LEMD1: variants seen among roughly 807,000 people sequenced by gnomAD.
LEMD1 encodes LEM domain-containing protein 1.
In LEMD1, 18 loss-of-function variants were observed where a neutral mutation model predicts 17.4. The ratio of observed to expected loss-of-function variants is 1.04; its 90% confidence interval spans 0.72 to 1.54. LEMD1 has a LOEUF of 1.54. Among genes scored for constraint, LEMD1 ranks in the 40% most tolerant of loss-of-function variants. LEMD1 has a pLI of 0.00. For synonymous variants in LEMD1, 88 were observed against 77.8 expected (o/e 1.13, Z -0.69); for missense variants, 195 against 210.4 (o/e 0.93, Z 0.45).
At chr1:205,402,667 C>T (rs1377980364) in intron 4 of LEMD1, among the ~76,000 whole-genome samples, 3 of 152,066 alleles carry the variant, frequency 2.0e-5, no homozygotes, top group African/African-American at 7.2e-5. Flanking sequence ...TTGACTTCCT[C>T]TTTTCCTAAT....
At chr1:205,392,231 A>C (rs1664377599) in intron 4 of LEMD1, among the ~76,000 whole-genome samples, 1 of 152,254 alleles carries the variant, frequency 6.6e-6, no homozygotes, top group African/African-American at 2.4e-5. Context: ...AGCTGTCATA[A>C]AATGTTTCAA....
Position 205,449,479 on chromosome 1 carries a change from C to T in LEMD1, c.-39+389G>A, listed in dbSNP as rs569123188. Among the ~76,000 whole-genome samples, 128 of 152,216 alleles carry T rather than the reference C, an allele frequency of 8.4e-4. 2 individuals are homozygous for T. The highest frequency in any genetic ancestry group is 2.9e-4 in the Non-Finnish European group (20 of 67,998). On this transcript the variant is annotated intron_variant, in intron 1 of 3. Coordinates refer to the LEMD1 transcript ENST00000367154. ...GCTGCCTCTCCCACCCCAACTGTAC[C>T]CTCAGCCCCAGGGCAACACTTGCTG...
intron 4 of LEMD1, among the ~76,000 whole-genome samples, chr1:205,401,662 T>C (rs1664860312): frequency 6.6e-6 from 1 of 152,150 alleles, no homozygotes; most frequent in Non-Finnish European, 1.5e-5. Context: ...GTTCACTCTT[T>C]TGCTGTGGTA....
intron 4 of LEMD1, among the ~76,000 whole-genome samples, chr1:205,391,011 A>G (rs1400327579): frequency 1.1e-5 from 1 of 93,428 alleles, no homozygotes; most frequent in Non-Finnish European, 2.4e-5. Context: ...AGCACCGCAC[A>G]ATATACCTGT....
Position 205,421,767 on chromosome 1 carries a change from A to G in LEMD1, c.-39+223T>C, listed in dbSNP as rs535076972. 3.9e-5 allele frequency among the ~76,000 whole-genome samples: 6 copies of G among 152,310 alleles called. No homozygotes were observed. The East Asian group carries it at 1.2e-3, about 29-fold the overall frequency. ...AAGAAAAAGGACAATGCATCTCAGC[A>G]CCTCAGATTTTTTTTCTTTCTTTTT... On this transcript the variant is annotated intron_variant, in intron 1 of 5. Coordinates refer to ENST00000367153, the MANE Select transcript of LEMD1 (RefSeq NM_001199050.2).
At chr1:205,410,897 A>G (rs1159642256) in intron 4 of LEMD1, among the ~76,000 whole-genome samples, 1 of 151,050 alleles carries the variant, frequency 6.6e-6, no homozygotes, top group Non-Finnish European at 1.5e-5. Context: ...AAGAAAGCAA[A>G]GGAAGGAAGG....
chr1:205,406,416 G>C (rs1240521787), intron 4 of LEMD1, among the ~76,000 whole-genome samples: 1 of 150,776 alleles, frequency 6.6e-6, no homozygotes, highest in Non-Finnish European at 1.5e-5. Flanking sequence ...AATGGCGGGC[G>C]CCCCTCCCCC....
chr1:205,396,822 A>G lies in LEMD1; in HGVS notation c.271-12458T>C, dbSNP rs539478573. Among the ~76,000 whole-genome samples the G allele has an allele frequency of 1.3e-3, 198 of 152,352 alleles. 1 individual carries two copies. Among genetic ancestry groups the G allele is most frequent in the Non-Finnish European group, 2.0e-3 (136 of 68,028 alleles). ...TTAGTGGTTGCCATGGGGGAAAAGG[A>G]AGATGTCCCAAGAGGGATACACTGG... On this transcript the variant is annotated intron_variant, in intron 4 of 5. Coordinates refer to ENST00000367153, the MANE Select transcript of LEMD1 (RefSeq NM_001199050.2).
At chr1:205,392,851 C>T (rs1282132206) in intron 4 of LEMD1, among the ~76,000 whole-genome samples, 1 of 152,164 alleles carries the variant, frequency 6.6e-6, no homozygotes, top group East Asian at 1.9e-4. Context: ...ATCTACAGAT[C>T]AAGAAGCTGC....
At chr1:205,445,187 T>C (rs999666937) in intron 1 of LEMD1, among the ~76,000 whole-genome samples, 2 of 151,934 alleles carry the variant, frequency 1.3e-5, no homozygotes, top group Non-Finnish European at 2.9e-5. Flanking sequence ...CCCCACCTCC[T>C]CCCTCTCCCT....
intron 1 of LEMD1, among the ~76,000 whole-genome samples, chr1:205,431,520 G>A (rs111765824): frequency 2.0e-5 from 3 of 152,156 alleles, no homozygotes; most frequent in Admixed American, 6.5e-5. Flanking sequence ...TCTCTAGGCC[G>A]CCACAGATAG....
At chr1:205,389,046 T>C (rs983753988) in intron 4 of LEMD1, among the ~76,000 whole-genome samples, 5 of 76,040 alleles carry the variant, frequency 6.6e-5, no homozygotes, top group Admixed American at 2.7e-4. Flanking sequence ...TCTTTTTTTT[T>C]TTTTTTTTTT....
At chr1:205,410,875 GAAAGA>G (rs561401574) in intron 4 of LEMD1, among the ~76,000 whole-genome samples, 1 of 147,434 alleles carries the variant, frequency 6.8e-6, no homozygotes, top group African/African-American at 2.5e-5. Context: ...AGAAAGGAAA[GAAAGA>G]AAAGAAAAGA....
At chr1:205,417,881 C>T (rs1222507214) in intron 3 of LEMD1, among the ~76,000 whole-genome samples, 4 of 150,744 alleles carry the variant, frequency 2.7e-5, no homozygotes, top group Admixed American at 6.6e-5. Context: ...ATAGAAATTA[C>T]GAGAAAAATG....
chr1:205,401,544 G>T (rs1664854459), intron 4 of LEMD1, among the ~76,000 whole-genome samples: 2 of 151,944 alleles, frequency 1.3e-5, no homozygotes, highest in Non-Finnish European at 2.9e-5. Context: ...TGATGGGGTT[G>T]TTTGTTTTTT....
At chr1:205,413,419 G>T (rs1384233916) in intron 4 of LEMD1, among the ~76,000 whole-genome samples, 1 of 151,866 alleles carries the variant, frequency 6.6e-6, no homozygotes, top group Non-Finnish European at 1.5e-5. Context: ...CTCCTGAGTA[G>T]CTGGGACCAC....
rs879929940 is a variant in LEMD1 at position 205,384,328 on chromosome 1, C to G, written c.307G>C (p.Asp103His). Reference protein sequence around the residue: ...EASTTKRKAVDTYCLDYKPSK... With the variant: ...EASTTKRKAVHTYCLDYKPSK... ...GGCTTATAATCCAAGCAATAGGTATCTACAGCTTTGCGTTTAGTGGTGGAA... is the reference window on the plus strand; with the variant it reads ...GGCTTATAATCCAAGCAATAGGTATGTACAGCTTTGCGTTTAGTGGTGGAA... Residue 103 changes from aspartate (D) to histidine (H), a missense_variant, in exon 5 of 6, where the codon GAT (aspartate) becomes CAT (histidine). Asp to His is a moderately conservative substitution (Grantham distance 81). Transcript: ENST00000367153. 15 of 1,526,268 alleles carry G rather than the reference C, an allele frequency of 9.8e-6. No homozygotes were observed. Among genetic ancestry groups the G allele is most frequent in the Non-Finnish European group, 1.1e-5 (12 of 1,137,922 alleles). 94.5% of individuals were successfully genotyped at this position (1,526,268 alleles called of 1,614,324 possible). A position where few individuals can be genotyped will look rare whatever the true frequency, so the allele number is the denominator to read the frequency against.
chr1:205,421,084 G>A (rs930067578), intron 1 of LEMD1, among the ~76,000 whole-genome samples: 2 of 151,840 alleles, frequency 1.3e-5, no homozygotes, highest in Non-Finnish European at 2.9e-5. Context: ...AACTCTGAAC[G>A]TTAACAAGAT....
Position 205,448,277 on chromosome 1 carries a change from T to G in LEMD1, c.-39+1591A>C, listed in dbSNP as rs1168009378. ...GTGGCTGGCTCCGAACCTGGTCCCA[T>G]GGGAGGTGCAGCTGCGCAGGAGAAG... On this transcript the variant is annotated intron_variant, in intron 1 of 3. Transcript: ENST00000367154. The surrounding 1 kb of genome is among the most constrained non-coding windows in gnomAD (Gnocchi z 4.7). 4 of 518,228 alleles carry G rather than the reference T, an allele frequency of 7.7e-6. No individual in the cohort carries two copies. The highest frequency in any genetic ancestry group is 6.5e-4 in the Middle Eastern group (2 of 3,072). The allele number at this position is 518,228 out of a possible 1,614,324, so 32.1% of individuals were successfully genotyped here. A position where few individuals can be genotyped will look rare whatever the true frequency, so the allele number is the denominator to read the frequency against.
Sources: gnomAD v4.1 joint callset for allele counts (sites outside exome capture counted in the v4.1 genomes callset) on GRCh38, gnomAD v4.1.1 for gene constraint, Gnocchi (gnomAD v3.1) non-coding constraint, MANE v1.5 for transcripts, NCBI Gene and HGNC (gene_info 2026-07-23, HGNC 2026-07-21) for gene names.